The following LYST variants were observed in gnomAD, a reference collection of about 807,000 sequenced individuals.
LYST encodes lysosomal trafficking regulator, also known as lysosomal-trafficking regulator.
In LYST, 192 loss-of-function variants were observed where a neutral mutation model predicts 413.6. The observed-to-expected ratio is 0.46, with a 90% CI of 0.41 to 0.52. The LOEUF is 0.52. Among genes scored for constraint, LYST ranks in the 20% least tolerant of loss-of-function variants. LYST has a pLI of 0.00. For synonymous variants in LYST, 1,525 were observed against 1,567.3 expected (o/e 0.97, Z 0.64); for missense variants, 3,815 against 4,499.9 (o/e 0.85, Z 4.35).
At chr1:235,755,708 A>C in intron 24 of LYST, 61 bp from the exon 25 acceptor site, 1 of 886,412 alleles carries the variant, frequency 1.1e-6, no homozygotes, top group Non-Finnish European at 1.9e-6. Context: ...ATATATACAA[A>C]TCAGTGTAAC....
At chr1:235,666,266 ACAC>A (rs1558095675) in intron 50 of LYST, among the ~76,000 whole-genome samples, 43 of 122,856 alleles carry the variant, frequency 3.5e-4, no homozygotes, top group South Asian at 2.5e-4. Context: ...ACACACACAC[ACAC>A]AATTTTCTTT....
chr1:235,869,802 A>G (rs544505937), upstream of LYST, among the ~76,000 whole-genome samples: 8 of 146,402 alleles, frequency 5.5e-5, no homozygotes, highest in East Asian at 1.4e-3. Context: ...CTCTAACACC[A>G]TCTGGCTCCT....
Position 235,709,244 on chromosome 1 carries a change from C to G in LYST, c.9990G>C (p.Ala3330=), listed in dbSNP as rs912444962. The G allele has an allele frequency of 2.5e-6, 4 of 1,613,990 alleles. No homozygotes were observed. Among genetic ancestry groups the G allele is most frequent in the Non-Finnish European group, 3.4e-6 (4 of 1,180,018 alleles). Residue 3330 remains alanine, a synonymous_variant, in exon 44 of 53, where the codon GCG becomes GCC. Coordinates refer to ENST00000389793, the MANE Select transcript of LYST (RefSeq NM_000081.4). Reference sequence around the variant, plus strand: ...GGATAAAAAGACGAGGATCATTACGCGCCCAAGGGGGAAGGTTGACGTGAT... The same window carrying G: ...GGATAAAAAGACGAGGATCATTACGGGCCCAAGGGGGAAGGTTGACGTGAT... ...RVNHVNLPPW[A]RNDPRLFILI...
In LYST at chr1:235,757,715, G is replaced by A. The variant is rs559469225; in HGVS notation, c.6882-257C>T. Reference sequence around the variant, plus strand: ...TAATACAGTAGTCACTGTCACTTATGCTATTTATTTAAACTAAAAATTCAG... The same window carrying A: ...TAATACAGTAGTCACTGTCACTTATACTATTTATTTAAACTAAAAATTCAG... On this transcript the variant is annotated intron_variant, in intron 23 of 52. Transcript: ENST00000389793. Among the ~76,000 whole-genome samples the A allele has an allele frequency of 5.9e-4, 90 of 152,010 alleles. 1 individual carries two copies. Among genetic ancestry groups the A allele is most frequent in the Non-Finnish European group, 5.3e-4 (36 of 67,998 alleles).
intron 1 of LYST, among the ~76,000 whole-genome samples, chr1:235,860,804 C>T (rs1679778738): frequency 6.6e-6 from 1 of 151,974 alleles, no homozygotes; most frequent in Non-Finnish European, 1.5e-5. Flanking sequence ...ATCTAGTATC[C>T]CCTGAAGTTT....
At chr1:235,869,391 G>A (rs374844894), upstream of LYST, among the ~76,000 whole-genome samples, 288 of 152,288 alleles carry the variant, frequency 1.9e-3, no homozygotes, top group African/African-American at 6.5e-3. Flanking sequence ...AGAATAGCGT[G>A]AACCCGGGAG....
At position 235,781,992 on chromosome 1, in the gene LYST, G is replaced by T; in HGVS notation, c.4958C>A (p.Ser1653Ter). 6.2e-7 allele frequency: 1 copy of T among 1,613,704 alleles called. No homozygotes were observed. The highest frequency in any genetic ancestry group is 8.5e-7 in the Non-Finnish European group (1 of 1,179,696). ...CAACTGCAAAAACTCTTCTTGGGAT[G>T]ATAAACAATGGCCAATCATGCAAAA... ...KTFCMIGHCLSSQEEFLQLAG... is the reference protein window; with the variant it reads ...KTFCMIGHCL The change falls in exon 15 of 53, where the codon TCA (serine) becomes TAA (stop). Residue 1653 changes from serine (S) to a stop codon, truncating the protein, a stop_gained. Coordinates refer to ENST00000389793, the MANE Select transcript of LYST (RefSeq NM_000081.4). LOFTEE classifies it high-confidence loss of function.
chr1:235,668,785 AGCT>A, intron 50 of LYST, among the ~76,000 whole-genome samples: 1 of 152,348 alleles, frequency 6.6e-6, no homozygotes, highest in African/African-American at 2.4e-5. Context: ...ACACACTAAA[AGCT>A]GCTAATGCAC....
At chr1:235,720,009 C>T (rs1196809478) in intron 40 of LYST, among the ~76,000 whole-genome samples, 7 of 151,808 alleles carry the variant, frequency 4.6e-5, no homozygotes, top group Non-Finnish European at 1.0e-4. Flanking sequence ...AACCCTGTCT[C>T]TACTAAAAAT....
At chr1:235,830,104 AATAATGTG>A (rs1463173846) in intron 3 of LYST, 114 bp downstream of exon 3, 1 of 707,972 alleles carries the variant, frequency 1.4e-6, no homozygotes, top group Non-Finnish European at 2.4e-6. Flanking sequence ...TTTTTAGTGG[AATAATGTG>A]AAAGACTGGA....
At chr1:235,703,117 ATG>A (rs1661679755) in intron 44 of LYST, 140 bp from the exon 45 acceptor site, 1 of 682,326 alleles carries the variant, frequency 1.5e-6, no homozygotes, top group Admixed American at 2.2e-5. Context: ...ACAATCACTC[ATG>A]GTCTCACTGA....
chr1:235,813,896 C>T (rs1306075529), intron 3 of LYST, among the ~76,000 whole-genome samples: 7 of 151,976 alleles, frequency 4.6e-5, no homozygotes, highest in Admixed American at 6.6e-5. Context: ...GAGAGGGGGT[C>T]GCATGATGAC....
intron 19 of LYST, among the ~76,000 whole-genome samples, chr1:235,772,939 T>G (rs1210338586): frequency 6.6e-6 from 1 of 152,226 alleles, no homozygotes; most frequent in Non-Finnish European, 1.5e-5. Context: ...GGGAAATAAG[T>G]GCCAGATTTC....
chr1:235,733,789 G>T (rs1664584373), intron 33 of LYST, 41 bp downstream of exon 33: 1 of 1,506,366 alleles, frequency 6.6e-7, no homozygotes, highest in Non-Finnish European at 9.2e-7. Flanking sequence ...AAATCTAATG[G>T]ATTCCTAAAA....
intron 47 of LYST, among the ~76,000 whole-genome samples, chr1:235,688,759 C>T (rs911035406): frequency 2.0e-5 from 3 of 151,824 alleles, no homozygotes. Context: ...CCGAGGCGGG[C>T]GGATCATGAG....
intron 42 of LYST, 39 bp from the exon 43 acceptor site, chr1:235,712,236 A>G: frequency 6.9e-7 from 1 of 1,443,288 alleles, no homozygotes; most frequent in South Asian, 1.3e-5. Context: ...AGACACAAAG[A>G]CCTAATTCTA....
At chr1:235,754,254 T>A (rs1231057162) in intron 25 of LYST, among the ~76,000 whole-genome samples, 7 of 130,876 alleles carry the variant, frequency 5.3e-5, no homozygotes, top group Non-Finnish European at 1.1e-4. Flanking sequence ...TTTTTTGAGA[T>A]GGAGTTTCAC....
At chr1:235,796,273 T>A (rs1360602913) in intron 10 of LYST, among the ~76,000 whole-genome samples, 1 of 152,082 alleles carries the variant, frequency 6.6e-6, no homozygotes, top group African/African-American at 2.4e-5. Flanking sequence ...CAAATAGGAC[T>A]TCATAAAAAT....
chr1:235,755,682 AT>A (rs1666977210), intron 24 of LYST, 35 bp from the exon 25 acceptor site: 2 of 1,076,210 alleles, frequency 1.9e-6, no homozygotes, highest in East Asian at 4.7e-5. Flanking sequence ...TAGATAATGC[AT>A]TAAAATTAAA....
Sources: allele counts gnomAD v4.1 joint callset (sites outside exome capture counted in the v4.1 genomes callset), GRCh38; gene constraint gnomAD v4.1.1; transcripts MANE v1.5; gene names NCBI Gene and HGNC (gene_info 2026-07-23, HGNC 2026-07-21).